The following ANO10 variants were observed in gnomAD, a reference collection of about 807,000 sequenced individuals.
ANO10 encodes anoctamin-10.
In ANO10, 77 loss-of-function variants were observed where a neutral mutation model predicts 74.7. The ratio of observed to expected loss-of-function variants is 1.03; its 90% CI spans 0.86 to 1.25. The LOEUF (loss-of-function observed/expected upper bound fraction) is 1.25. Among genes scored for constraint, ANO10 ranks in the 50% most tolerant of loss-of-function variants. The pLI, the probability that ANO10 is intolerant of heterozygous loss-of-function variation, is 0.00. For missense variants in ANO10, 721 were observed against 778.1 expected (o/e 0.93, Z 0.87); for synonymous variants, 279 against 284.9 (o/e 0.98, Z 0.21).
intron 10 of ANO10, among the ~76,000 whole-genome samples, chr3:43,553,598 G>A (rs1281598313): frequency 6.7e-6 from 1 of 149,658 alleles, no homozygotes; most frequent in Non-Finnish European, 1.5e-5. Context: ...GTGCAGTGGC[G>A]CAATCCAGCT....
chr3:43,427,501 C>T (rs986683800), intron 12 of ANO10, among the ~76,000 whole-genome samples: 1 of 152,124 alleles, frequency 6.6e-6, no homozygotes, highest in African/African-American at 2.4e-5. Context: ...TGAAAAGTAG[C>T]AATTAAGGTA....
chr3:43,648,114 C>T (rs890953256), intron 1 of ANO10, among the ~76,000 whole-genome samples: 11 of 152,190 alleles, frequency 7.2e-5, no homozygotes, highest in African/African-American at 2.7e-4. Context: ...ATCTCACCCT[C>T]CTCTGGGCTC....
intron 4 of ANO10, among the ~76,000 whole-genome samples, chr3:43,582,517 TC>T (rs2081307521): frequency 6.6e-6 from 1 of 151,684 alleles, no homozygotes; most frequent in Non-Finnish European, 1.5e-5. Context: ...TTAGGACAGG[TC>T]CCCATCATAA....
intron 12 of ANO10, among the ~76,000 whole-genome samples, chr3:43,396,301 C>T (rs999580179): frequency 4.6e-5 from 7 of 152,010 alleles, no homozygotes; most frequent in African/African-American, 1.4e-4. Flanking sequence ...AAGCTCTTTT[C>T]ATTTTTACAA....
chr3:43,656,978 C>CT (rs1202249391), intron 1 of ANO10, among the ~76,000 whole-genome samples: 3 of 152,262 alleles, frequency 2.0e-5, no homozygotes, highest in Non-Finnish European at 4.4e-5. Flanking sequence ...TGCCAGCACG[C>CT]TGTCACCTCT....
chr3:43,582,603 G>A lies in ANO10; in HGVS notation c.473-2131C>T, dbSNP rs534669134. Among the ~76,000 whole-genome samples, 6 of 152,226 alleles carry A rather than the reference G, an allele frequency of 3.9e-5. No homozygotes were observed. In the South Asian group the frequency reaches 1.2e-3, roughly 32 times the overall value. On this transcript the variant is annotated intron_variant, in intron 4 of 12. Transcript: ENST00000292246. ...GAAAAAGATAATCAAGAGATATCTGGTACTAACAATAGGAAAAGTCTGAAA... is the reference window on the plus strand; with the variant it reads ...GAAAAAGATAATCAAGAGATATCTGATACTAACAATAGGAAAAGTCTGAAA...
intron 11 of ANO10, among the ~76,000 whole-genome samples, chr3:43,464,412 GC>G (rs1365082234): frequency 6.6e-6 from 1 of 152,184 alleles, no homozygotes; most frequent in Non-Finnish European, 1.5e-5. Flanking sequence ...AGGCTTGGTG[GC>G]TCACATCTGT....
intron 1 of ANO10, among the ~76,000 whole-genome samples, chr3:43,641,229 G>A (rs1940103781): frequency 6.6e-6 from 1 of 152,162 alleles, no homozygotes; most frequent in Admixed American, 6.5e-5. Context: ...TGGATTGGGG[G>A]TTCCTTTCCT....
At chr3:43,607,613 C>T (rs375189530) in intron 1 of ANO10, among the ~76,000 whole-genome samples, 3 of 151,916 alleles carry the variant, frequency 2.0e-5, no homozygotes, top group Admixed American at 1.3e-4. Flanking sequence ...TAGATCACCC[C>T]GATAGGAACT....
At chr3:43,550,865 T>C (rs1449232843) in intron 10 of ANO10, among the ~76,000 whole-genome samples, 2 of 152,184 alleles carry the variant, frequency 1.3e-5, no homozygotes, top group East Asian at 3.8e-4. Context: ...CCATTCTCCC[T>C]AGAAGACAAC....
chr3:43,448,873 C>CTTTCTTTCT (rs1553667350), intron 11 of ANO10, among the ~76,000 whole-genome samples: 1 of 134,282 alleles, frequency 7.4e-6, no homozygotes, highest in East Asian at 2.1e-4. Context: ...TTCTTTCTTT[C>CTTTCTTTCT]TTTTTTTTTT....
chr3:43,616,042 T>C (rs1344253331), intron 1 of ANO10, among the ~76,000 whole-genome samples: 1 of 152,152 alleles, frequency 6.6e-6, no homozygotes, highest in Non-Finnish European at 1.5e-5. Flanking sequence ...AAAAGCTACC[T>C]AGATTTAAAA....
intron 11 of ANO10, among the ~76,000 whole-genome samples, chr3:43,469,660 C>T (rs1477671987): frequency 6.6e-6 from 1 of 152,182 alleles, no homozygotes; most frequent in Admixed American, 6.5e-5. Context: ...TTCTCCAGAA[C>T]ACCCCCACTA....
rs150034760 is a variant in ANO10, at chr3:43,500,890, TCAA to T, written c.1797+48827_1797+48829del. Among the ~76,000 whole-genome samples, 1,534 of 152,172 alleles carry T rather than the reference TCAA, an allele frequency of 0.01. 66 individuals are homozygous for T. The East Asian group carries it at 0.12, about 12-fold the overall frequency. Reference sequence around the variant, plus strand: ...CCTATAGCTCAACCTAGAATGGTGATCAACAACAACAACAACAAAAACGGAAGG... The same window carrying T: ...CCTATAGCTCAACCTAGAATGGTGATCAACAACAACAACAAAAACGGAAGG... On this transcript the variant is annotated intron_variant, in intron 11 of 12. Transcript: ENST00000292246.
chr3:43,436,603 GA>G (rs1197612937), intron 11 of ANO10, among the ~76,000 whole-genome samples: 2 of 151,982 alleles, frequency 1.3e-5, no homozygotes, highest in African/African-American at 2.4e-5. Context: ...TTGGGAAAGG[GA>G]AAAAAAGTAA....
chr3:43,673,309 A>T (rs969751344), intron 1 of ANO10, among the ~76,000 whole-genome samples: 14 of 152,224 alleles, frequency 9.2e-5, no homozygotes, highest in Admixed American at 7.9e-4. Flanking sequence ...TGCAGACTAA[A>T]CAGAATGGAT....
intron 11 of ANO10, among the ~76,000 whole-genome samples, chr3:43,546,993 A>G (rs1559679362): frequency 6.6e-6 from 1 of 152,228 alleles, no homozygotes; most frequent in Non-Finnish European, 1.5e-5. Context: ...AAGGCCCATT[A>G]TGATTAAACT....
chr3:43,508,415 A>T (rs938461677), intron 11 of ANO10, among the ~76,000 whole-genome samples: 2 of 152,180 alleles, frequency 1.3e-5, no homozygotes, highest in African/African-American at 4.8e-5. Flanking sequence ...AACCAGAAAT[A>T]CCATTTGACC....
chr3:43,438,816 A>T (rs1237821833), intron 11 of ANO10, among the ~76,000 whole-genome samples: 7 of 152,154 alleles, frequency 4.6e-5, no homozygotes, highest in Admixed American at 2.0e-4. Context: ...AGAATCAGTG[A>T]ACTCAAAGAT....
Sources: gnomAD v4.1 joint callset for allele counts (sites outside exome capture counted in the v4.1 genomes callset) on GRCh38, gnomAD v4.1.1 for gene constraint, MANE v1.5 for transcripts, NCBI Gene and HGNC (gene_info 2026-07-23, HGNC 2026-07-21) for gene names.